Variants in CDK14 observed in about 807,000 individuals in gnomAD.
CDK14 encodes cyclin dependent kinase 14.
Under a neutral mutation model 60.7 loss-of-function variants are expected in CDK14, and 34 were observed. The ratio of observed to expected loss-of-function variants is 0.56; its 90% CI spans 0.43 to 0.75. CDK14 has a LOEUF of 0.75. Ranked by LOEUF, CDK14 falls within the 30% of genes least tolerant of loss-of-function variation. The probability of loss-of-function intolerance (pLI) is 0.00; values close to 1 mark genes in which losing one functional copy is unlikely to be tolerated. For missense variants in CDK14, 482 were observed against 564.1 expected (o/e 0.85, Z 1.47); for synonymous variants, 197 against 203.7 (o/e 0.97, Z 0.28).
chr7:90,726,079 A>G (rs779835610), intron 2 of CDK14, among the ~76,000 whole-genome samples: 89 of 152,200 alleles, frequency 5.8e-4, no homozygotes, highest in Non-Finnish European at 1.0e-3. Context: ...ACAGATTTTA[A>G]GCATACATAT....
In CDK14 at chr7:90,596,551, G is replaced by A; in HGVS notation, c.-77G>A. On this transcript the variant is annotated 5_prime_UTR_variant, in exon 1 of 15. Coordinates refer to ENST00000380050, the MANE Select transcript of CDK14 (RefSeq NM_001287135.2). The stretch of plus-strand genomic sequence containing the variant: ...TGGAGGAGGAGGCGCCGCTTTCCCC[G>A]CGGCGCGCGCCCTCGCCGTTGTCTG... 1 of 1,291,492 alleles carries A rather than the reference G, an allele frequency of 7.7e-7. No homozygotes were observed. The highest frequency in any genetic ancestry group is 1.5e-5 in the African/African-American group (1 of 67,856). 80.0% of individuals were successfully genotyped at this position (1,291,492 alleles called of 1,614,324 possible).
chr7:91,076,846 CAG>C (rs905150938), intron 11 of CDK14, among the ~76,000 whole-genome samples: 7 of 152,196 alleles, frequency 4.6e-5, no homozygotes, highest in Admixed American at 1.3e-4. Flanking sequence ...AGGATACAAA[CAG>C]AAATTTCTCA....
Position 90,813,306 on chromosome 7 carries a change from C to T in CDK14, c.544+22654C>T, listed in dbSNP as rs567259554. 4.6e-5 allele frequency among the ~76,000 whole-genome samples: 7 copies of T among 152,278 alleles called. No individual in the cohort carries two copies. The South Asian group carries it at 1.5e-3, about 32-fold the overall frequency. ...GGATTGACAGTGAACTGTTACAACT[C>T]TCTGGTGTAGGGAAAATGTGTCAGT... On this transcript the variant is annotated intron_variant, in intron 5 of 14. Coordinates refer to ENST00000380050, the MANE Select transcript of CDK14 (RefSeq NM_001287135.2).
chr7:90,829,441 T>C (rs1789836990), intron 5 of CDK14, among the ~76,000 whole-genome samples: 1 of 152,188 alleles, frequency 6.6e-6, no homozygotes, highest in Non-Finnish European at 1.5e-5. Flanking sequence ...GGTACAGGCA[T>C]TGGGTAAATG....
At chr7:90,761,953 G>A (rs867900510) in intron 4 of CDK14, among the ~76,000 whole-genome samples, 1 of 152,138 alleles carries the variant, frequency 6.6e-6, no homozygotes, top group Non-Finnish European at 1.5e-5. Flanking sequence ...ATCCAGTGAG[G>A]GAGGCAGAAA....
chr7:90,820,942 A>T (rs1399241515), intron 5 of CDK14, among the ~76,000 whole-genome samples: 1 of 152,206 alleles, frequency 6.6e-6, no homozygotes, highest in African/African-American at 2.4e-5. Flanking sequence ...TGCCAGGGTC[A>T]TGTTAGACCC....
intron 8 of CDK14, among the ~76,000 whole-genome samples, chr7:90,919,222 A>C (rs1260387935): frequency 1.3e-5 from 2 of 152,172 alleles, no homozygotes; most frequent in Non-Finnish European, 2.9e-5. Context: ...GTATATGTTG[A>C]AATACATTAT....
At chr7:90,944,310 G>T (rs919047760) in intron 8 of CDK14, among the ~76,000 whole-genome samples, 8 of 152,142 alleles carry the variant, frequency 5.3e-5, no homozygotes, top group African/African-American at 1.9e-4. Flanking sequence ...ACACAAGTGC[G>T]ATCTGCCAAA....
intron 8 of CDK14, among the ~76,000 whole-genome samples, chr7:90,931,397 G>T (rs1179388326): frequency 6.6e-6 from 1 of 152,212 alleles, no homozygotes; most frequent in Non-Finnish European, 1.5e-5. Context: ...AAGAAGTAAA[G>T]TTTCTGGAAA....
intron 8 of CDK14, among the ~76,000 whole-genome samples, chr7:90,950,707 T>C (rs2117547011): frequency 6.6e-6 from 1 of 152,328 alleles, no homozygotes; most frequent in Admixed American, 6.5e-5. Flanking sequence ...TGGACTATCA[T>C]GGAAGATCTA....
chr7:90,828,025 A>G (rs373646206), intron 5 of CDK14, among the ~76,000 whole-genome samples: 1 of 152,260 alleles, frequency 6.6e-6, no homozygotes, highest in South Asian at 2.1e-4. Context: ...TTACTATATC[A>G]AACTGTCTTA....
At position 90,961,549 on chromosome 7, in the gene CDK14, CATCT is replaced by C. The variant is rs144076603; in HGVS notation, c.947+5737_947+5740del. On this transcript the variant is annotated intron_variant, in intron 9 of 14. Transcript: ENST00000380050. ...TTTGAGTTGATGAGTTATGTTGAAT[CATCT>C]ATCTGTCAGCACTGTTTGTACTATT... Among the ~76,000 whole-genome samples the C allele has an allele frequency of 1.1e-4, 17 of 152,286 alleles. No homozygotes were observed. The East Asian group carries it at 2.9e-3, about 26-fold the overall frequency.
intron 11 of CDK14, among the ~76,000 whole-genome samples, chr7:91,057,952 G>A (rs1183665706): frequency 6.6e-6 from 1 of 152,002 alleles, no homozygotes; most frequent in Non-Finnish European, 1.5e-5. Context: ...GAAAGTCATT[G>A]GTAGCTTGAT....
intron 2 of CDK14, among the ~76,000 whole-genome samples, chr7:90,711,985 A>G (rs1014265041): frequency 7.9e-5 from 12 of 151,532 alleles, no homozygotes; most frequent in African/African-American, 2.9e-4. Flanking sequence ...TGGCCTTCCA[A>G]AGTACTGGGA....
chr7:91,123,924 T>C (rs1196209779), intron 14 of CDK14, among the ~76,000 whole-genome samples: 1 of 152,112 alleles, frequency 6.6e-6, no homozygotes. Context: ...TTTTATTTTG[T>C]TATTTGTTTT....
At chr7:90,676,425 G>A (rs1322495651) in intron 2 of CDK14, among the ~76,000 whole-genome samples, 1 of 152,130 alleles carries the variant, frequency 6.6e-6, no homozygotes, top group African/African-American at 2.4e-5. Context: ...ACTTATAGGA[G>A]GAAGTTGCTG....
At chr7:90,623,812 T>C (rs777565827) in intron 2 of CDK14, among the ~76,000 whole-genome samples, 1 of 152,198 alleles carries the variant, frequency 6.6e-6, no homozygotes, top group Non-Finnish European at 1.5e-5. Flanking sequence ...CTCTCACTGT[T>C]GTTTTAAAAC....
chr7:90,681,980 A>C (rs1034641971), intron 2 of CDK14, among the ~76,000 whole-genome samples: 2 of 152,198 alleles, frequency 1.3e-5, no homozygotes, highest in Non-Finnish European at 2.9e-5. Context: ...TTTATGATTC[A>C]CCATTTTAAG....
intron 2 of CDK14, among the ~76,000 whole-genome samples, chr7:90,623,795 T>C (rs1799822665): frequency 6.6e-6 from 1 of 152,158 alleles, no homozygotes; most frequent in South Asian, 2.1e-4. Flanking sequence ...AAATCAGTGC[T>C]TATTATCTCT....
Sources: gnomAD v4.1 joint callset for allele counts (sites outside exome capture counted in the v4.1 genomes callset) on GRCh38, gnomAD v4.1.1 for gene constraint, MANE v1.5 for transcripts, NCBI Gene and HGNC (gene_info 2026-07-23, HGNC 2026-07-21) for gene names.